SLC28A1: variants seen among roughly 807,000 people sequenced by gnomAD.
The protein encoded by SLC28A1 is solute carrier family 28 member 1.
In SLC28A1, 64 loss-of-function variants were observed where a neutral mutation model predicts 74.8. The ratio of observed to expected loss-of-function variants is 0.86; its 90% confidence interval spans 0.70 to 1.05. The LOEUF is 1.05. SLC28A1 is among the 50% of genes least tolerant of loss of function. The pLI, the probability that SLC28A1 is intolerant of heterozygous loss-of-function variation, is 0.00. For missense variants in SLC28A1, 828 were observed against 822.8 expected, an observed-to-expected ratio of 1.01 and a Z score of -0.08; for synonymous variants, 359 against 335.0, an observed-to-expected ratio of 1.07 and a Z score of -0.78.
At chr15:84,912,514 G>A (rs956484017) in intron 9 of SLC28A1, among the ~76,000 whole-genome samples, 2 of 152,138 alleles carry the variant, frequency 1.3e-5, no homozygotes, top group Non-Finnish European at 2.9e-5. Flanking sequence ...CCCCTTGGCT[G>A]TATCAGCTGG....
At chr15:84,943,606 C>A (rs1275718904) in intron 16 of SLC28A1, 80 bp downstream of exon 16, 1 of 1,107,480 alleles carries the variant, frequency 9.0e-7, no homozygotes. Context: ...CCTCAGTTGT[C>A]TCATTTGTCT....
At chr15:84,931,610 C>T (rs1271805169) in intron 12 of SLC28A1, among the ~76,000 whole-genome samples, 1 of 136,246 alleles carries the variant, frequency 7.3e-6, no homozygotes, top group Non-Finnish European at 1.5e-5. Flanking sequence ...CAAGATGGCG[C>T]CACTACACTC....
At chr15:84,973,171 G>T in the SLC28A1 span, among the ~76,000 whole-genome samples, 1 of 152,090 alleles carries the variant, frequency 6.6e-6, no homozygotes, top group East Asian at 1.9e-4. Context: ...AATATGCCCT[G>T]CTCCTTCCTC....
chr15:84,946,062 A>G (rs1163562157), downstream of SLC28A1, among the ~76,000 whole-genome samples: 51 of 71,074 alleles, frequency 7.2e-4, no homozygotes, highest in African/African-American at 2.8e-3. Context: ...ATACATACAT[A>G]TATATATATG....
intron 15 of SLC28A1, among the ~76,000 whole-genome samples, chr15:84,941,582 T>C (rs1299560537): frequency 1.3e-5 from 2 of 152,102 alleles, no homozygotes; most frequent in Non-Finnish European, 1.5e-5. Flanking sequence ...TCTAAACTTA[T>C]AACGTTATCT....
downstream of SLC28A1, among the ~76,000 whole-genome samples, chr15:84,946,976 TG>T (rs2079254763): frequency 6.6e-6 from 1 of 152,210 alleles, no homozygotes; most frequent in Non-Finnish European, 1.5e-5. Context: ...CTTTCCTAGC[TG>T]GGGCTGACCC....
the SLC28A1 span, among the ~76,000 whole-genome samples, chr15:84,974,755 GGA>G: frequency 6.6e-6 from 1 of 152,210 alleles, no homozygotes; most frequent in Non-Finnish European, 1.5e-5. Flanking sequence ...TGTAGCTTTA[GGA>G]TGCAGGAGAC....
the SLC28A1 span, among the ~76,000 whole-genome samples, chr15:84,972,821 A>T: frequency 3.9e-5 from 6 of 152,240 alleles, no homozygotes; most frequent in Non-Finnish European, 8.8e-5. Flanking sequence ...CCTTTGAATG[A>T]CCACGTAATT....
At chr15:84,971,406 C>T in the SLC28A1 span, among the ~76,000 whole-genome samples, 1 of 152,196 alleles carries the variant, frequency 6.6e-6, no homozygotes, top group African/African-American at 2.4e-5. Flanking sequence ...TCCTCATCCT[C>T]AATGAGCGAG....
At position 84,904,150 on chromosome 15, in the gene SLC28A1, C is replaced by G. The variant is rs760034097; in HGVS notation, c.515C>G (p.Thr172Ser). 6.2e-7 allele frequency: 1 copy of G among 1,614,194 alleles called. No homozygotes were observed. ...CTGGTCCTGTGGCTGTCTCTGGACA[C>G]CTCCCAGCGGCCTGAGCAACTGGTG... Reference protein sequence around the residue: ...LGLVLWLSLDTSQRPEQLVSF... With the variant: ...LGLVLWLSLDSSQRPEQLVSF... The change falls in exon 7 of 19, where the codon ACC (threonine) becomes AGC (serine). Residue 172 changes from threonine (T) to serine (S), a missense_variant. Physicochemically the swap from Thr to Ser is moderately conservative, Grantham distance 58 (BLOSUM62 1). Transcript: ENST00000394573.
chr15:84,902,563 A>G (rs1966789900), intron 6 of SLC28A1, among the ~76,000 whole-genome samples: 1 of 152,026 alleles, frequency 6.6e-6, no homozygotes, highest in Non-Finnish European at 1.5e-5. Flanking sequence ...AAGGATTACT[A>G]AAGGTGTGAT....
chr15:84,899,372 A>G (rs575024077), intron 6 of SLC28A1, among the ~76,000 whole-genome samples: 3 of 151,576 alleles, frequency 2.0e-5, no homozygotes, highest in Non-Finnish European at 4.4e-5. Flanking sequence ...ATTATGTCCA[A>G]AAAAAAAATC....
chr15:84,926,931 C>T (rs538086086), intron 12 of SLC28A1, among the ~76,000 whole-genome samples: 6 of 152,266 alleles, frequency 3.9e-5, no homozygotes, highest in Admixed American at 1.3e-4. Flanking sequence ...AAACAGCCAG[C>T]CTGCCCCTCC....
intron 6 of SLC28A1, among the ~76,000 whole-genome samples, chr15:84,901,921 G>T (rs1596246748): frequency 1.3e-5 from 2 of 152,184 alleles, no homozygotes; most frequent in East Asian, 3.8e-4. Flanking sequence ...GTTCATAGCG[G>T]CTTTATCTGC....
intron 8 of SLC28A1, among the ~76,000 whole-genome samples, chr15:84,905,991 C>T (rs371954419): frequency 4.0e-5 from 6 of 149,150 alleles, no homozygotes; most frequent in East Asian, 3.9e-4. Context: ...TTAAAAATAA[C>T]GTTTATTGAA....
At chr15:84,965,724 T>G in the SLC28A1 span, among the ~76,000 whole-genome samples, 1 of 152,272 alleles carries the variant, frequency 6.6e-6, no homozygotes, top group Admixed American at 6.5e-5. Context: ...CTAAGAGTCC[T>G]GTATCCTAGG....
intron 1 of SLC28A1, among the ~76,000 whole-genome samples, chr15:84,885,814 C>T (rs1053226014): frequency 3.3e-5 from 5 of 151,258 alleles, no homozygotes; most frequent in Non-Finnish European, 5.9e-5. Flanking sequence ...GGGACTTTAA[C>T]TTCCCTCATT....
intron 1 of SLC28A1, among the ~76,000 whole-genome samples, chr15:84,885,898 G>GA (rs1456441008): frequency 6.6e-6 from 1 of 152,120 alleles, no homozygotes; most frequent in African/African-American, 2.4e-5. Flanking sequence ...GACAGATGAA[G>GA]AAAAAATGTT....
intron 11 of SLC28A1, among the ~76,000 whole-genome samples, chr15:84,922,474 A>G (rs546778183): frequency 6.6e-6 from 1 of 152,072 alleles, no homozygotes; most frequent in East Asian, 1.9e-4. Context: ...GCGGCATCCA[A>G]TCTATCAGCA....
Sources: allele counts gnomAD v4.1 joint callset (sites outside exome capture counted in the v4.1 genomes callset), GRCh38; gene constraint gnomAD v4.1.1; transcripts MANE v1.5; gene names NCBI Gene and HGNC (gene_info 2026-07-23, HGNC 2026-07-21).